Variants in APBB2 observed in about 807,000 individuals in gnomAD.
APBB2 encodes the protein Fe65-like 1.
Under a neutral mutation model 82.5 loss-of-function variants are expected in APBB2, and 38 were observed. The ratio of observed to expected loss-of-function variants is 0.46; its 90% CI spans 0.36 to 0.60. APBB2 has a LOEUF of 0.60. Ranked by LOEUF, APBB2 falls within the 20% of genes least tolerant of loss-of-function variation. The probability of loss-of-function intolerance (pLI) is 0.00; values close to 1 mark genes in which losing one functional copy is unlikely to be tolerated. For missense variants in APBB2, 772 were observed against 972.3 expected (o/e 0.79, Z 2.74); for synonymous variants, 341 against 368.2 (o/e 0.93, Z 0.85).
chr4:40,931,959 C>T (rs555796480), intron 10 of APBB2, among the ~76,000 whole-genome samples: 3 of 152,246 alleles, frequency 2.0e-5, no homozygotes, highest in South Asian at 2.1e-4. Flanking sequence ...TCCTTACTAA[C>T]GTGAACAGAC....
chr4:40,950,581 C>T (rs1281176150), intron 6 of APBB2, among the ~76,000 whole-genome samples: 1 of 151,846 alleles, frequency 6.6e-6, no homozygotes, highest in East Asian at 1.9e-4. Flanking sequence ...GGTGTGGGGG[C>T]TCACAGCTGT....
At chr4:41,032,227 C>T (rs4488967) in intron 5 of APBB2, among the ~76,000 whole-genome samples, 13,076 of 152,142 alleles carry the variant, frequency 0.086, 716 homozygotes, top group Admixed American at 0.14. Context: ...TTTAAAAACT[C>T]AGAACTTGCT....
intron 4 of APBB2, among the ~76,000 whole-genome samples, chr4:41,045,366 T>C (rs1167221007): frequency 1.3e-5 from 2 of 152,174 alleles, no homozygotes; most frequent in African/African-American, 4.8e-5. Context: ...TGATCTCGGC[T>C]CACTGCAAGC....
At chr4:41,060,991 C>T (rs981699514) in intron 4 of APBB2, among the ~76,000 whole-genome samples, 1 of 152,178 alleles carries the variant, frequency 6.6e-6, no homozygotes, top group African/African-American at 2.4e-5. Context: ...GACTCAAATA[C>T]CAGGGTGACC....
intron 6 of APBB2, among the ~76,000 whole-genome samples, chr4:40,962,883 C>G (rs1291914757): frequency 6.6e-6 from 1 of 152,156 alleles, no homozygotes; most frequent in African/African-American, 2.4e-5. Context: ...ACAAATGTAC[C>G]AGTTAACCCA....
In APBB2 at chr4:40,832,471, C is replaced by T. The variant is rs141525466; in HGVS notation, c.1530-1894G>A. On this transcript the variant is annotated intron_variant, in intron 12 of 17. Transcript: ENST00000508593. The surrounding 1 kb of genome is among the most constrained non-coding windows in gnomAD (Gnocchi z 4.8). The stretch of plus-strand genomic sequence containing the variant: ...CTCCCAACCTACTCCTGCTTCCTCA[C>T]GTTCTAGCTCAGTGTCCTCCATGCT... 1.6e-4 allele frequency among the ~76,000 whole-genome samples: 25 copies of T among 152,320 alleles called. No individual in the cohort carries two copies. In the East Asian group the frequency reaches 4.8e-3, roughly 29 times the overall value.
At chr4:40,883,494 G>A (rs958152528) in intron 12 of APBB2, among the ~76,000 whole-genome samples, 7 of 152,142 alleles carry the variant, frequency 4.6e-5, no homozygotes, top group African/African-American at 1.7e-4. Flanking sequence ...GGCTGAGGCA[G>A]GAGAATTGCT....
chr4:40,882,836 C>T (rs1578177112), intron 12 of APBB2, among the ~76,000 whole-genome samples: 1 of 152,182 alleles, frequency 6.6e-6, no homozygotes, highest in Non-Finnish European at 1.5e-5. Context: ...TGCGTCGGAA[C>T]GTTAGCTGTT....
intron 6 of APBB2, among the ~76,000 whole-genome samples, chr4:40,957,585 CT>C (rs34411160): frequency 0.64 from 90,596 of 142,362 alleles, 29,362 homozygotes; most frequent in East Asian, 0.85. Context: ...CCTCATATTC[CT>C]TTTTTTTTTT....
At chr4:41,132,196 T>G (rs73810834) in intron 2 of APBB2, among the ~76,000 whole-genome samples, 2,078 of 152,254 alleles carry the variant, frequency 0.014, 38 homozygotes, top group African/African-American at 0.048. Flanking sequence ...TATTACTACA[T>G]TTCAGCACTC....
intron 6 of APBB2, among the ~76,000 whole-genome samples, chr4:41,013,156 T>C (rs557979342): frequency 2.6e-5 from 4 of 152,350 alleles, no homozygotes; most frequent in African/African-American, 9.6e-5. Flanking sequence ...ATAAGTTATT[T>C]TGAGGACTTT....
chr4:41,048,422 A>G (rs1018359708), intron 4 of APBB2, among the ~76,000 whole-genome samples: 1 of 152,218 alleles, frequency 6.6e-6, no homozygotes, highest in African/African-American at 2.4e-5. Flanking sequence ...ACCAGGCATT[A>G]TGTGTTAAGA....
intron 2 of APBB2, among the ~76,000 whole-genome samples, chr4:41,117,564 T>A (rs1013292064): frequency 1.3e-5 from 2 of 152,094 alleles, no homozygotes; most frequent in Non-Finnish European, 2.9e-5. Flanking sequence ...GTGCTGGGAT[T>A]ACAGGCGTGA....
intron 1 of APBB2, among the ~76,000 whole-genome samples, chr4:41,151,807 T>G (rs1158687721): frequency 3.3e-5 from 5 of 152,008 alleles, no homozygotes; most frequent in African/African-American, 1.2e-4. Flanking sequence ...AGTTTCTTTA[T>G]GTCTAGTATG....
At chr4:40,961,095 T>C (rs1793071697) in intron 6 of APBB2, among the ~76,000 whole-genome samples, 1 of 152,150 alleles carries the variant, frequency 6.6e-6, no homozygotes, top group Non-Finnish European at 1.5e-5. Flanking sequence ...GAGGTCTTTG[T>C]AGGGCAGAGC....
At chr4:41,073,856 T>C (rs1366709562) in intron 3 of APBB2, among the ~76,000 whole-genome samples, 1 of 152,178 alleles carries the variant, frequency 6.6e-6, no homozygotes, top group Non-Finnish European at 1.5e-5. Flanking sequence ...CAGTGTGTAA[T>C]GAATACAATG....
intron 6 of APBB2, among the ~76,000 whole-genome samples, chr4:41,012,624 T>G (rs1808709767): frequency 6.6e-6 from 1 of 152,190 alleles, no homozygotes; most frequent in Non-Finnish European, 1.5e-5. Context: ...TTATCTTTAG[T>G]CCTTGTAATT....
At chr4:41,042,118 G>A (rs1721744128) in intron 4 of APBB2, among the ~76,000 whole-genome samples, 1 of 152,020 alleles carries the variant, frequency 6.6e-6, no homozygotes, top group Non-Finnish European at 1.5e-5. Context: ...AGCCTCCTGA[G>A]TAGCTGGGAC....
chr4:41,183,170 T>C (rs1224401968), intron 1 of APBB2, among the ~76,000 whole-genome samples: 1 of 152,164 alleles, frequency 6.6e-6, no homozygotes, highest in East Asian at 1.9e-4. Context: ...GTACCTTATA[T>C]CTGGAACCTG....
Sources: allele counts gnomAD v4.1 joint callset (sites outside exome capture counted in the v4.1 genomes callset), GRCh38; gene constraint gnomAD v4.1.1; non-coding constraint Gnocchi (gnomAD v3.1); transcripts MANE v1.5; gene names NCBI Gene and HGNC (gene_info 2026-07-23, HGNC 2026-07-21).